Variants in CADM2 observed in about 807,000 individuals in gnomAD.
CADM2 encodes cell adhesion molecule 2, also known as immunoglobulin superfamily member 4D.
Under a neutral mutation model 49.8 loss-of-function variants are expected in CADM2, and 12 were observed. The ratio of observed to expected loss-of-function variants is 0.24; its 90% CI spans 0.15 to 0.39. The LOEUF is 0.39. Ranked by LOEUF, CADM2 falls within the 10% of genes least tolerant of loss-of-function variation. The pLI is 1.00. For synonymous variants in CADM2, 214 were observed against 175.4 expected, an observed-to-expected ratio of 1.22 and a Z score of -1.74; for missense variants, 378 against 492.3, an observed-to-expected ratio of 0.77 and a Z score of 2.20.
intron 4 of CADM2, among the ~76,000 whole-genome samples, chr3:85,884,743 TA>T (rs11309097): frequency 0.037 from 5,335 of 144,876 alleles, 370 homozygotes; most frequent in African/African-American, 0.13. Context: ...TTTTTTTTTT[TA>T]AAACGGAGTC....
intron 1 of CADM2, among the ~76,000 whole-genome samples, chr3:85,105,675 CAA>C (rs1311323195): frequency 6.6e-6 from 1 of 152,092 alleles, no homozygotes; most frequent in Non-Finnish European, 1.5e-5. Context: ...TTCACAATAG[CAA>C]AGACTTGGAA....
At position 85,411,125 on chromosome 3, in the gene CADM2, G is replaced by A. The variant is rs534956138; in HGVS notation, c.62-315397G>A. On this transcript the variant is annotated intron_variant, in intron 1 of 9. Transcript: ENST00000383699. The stretch of plus-strand genomic sequence containing the variant: ...CTGTAGGTTATATATAGAGTTTGAC[G>A]TGGTACGATGAAGACATGCTGTTGT... Among the ~76,000 whole-genome samples, 11 of 152,306 alleles carry A rather than the reference G, an allele frequency of 7.2e-5. 1 individual carries two copies. Among genetic ancestry groups the A allele is most frequent in the Admixed American group, 3.3e-4 (5 of 15,302 alleles).
intron 8 of CADM2, among the ~76,000 whole-genome samples, chr3:86,007,625 T>C (rs1730955257): frequency 6.6e-6 from 1 of 152,160 alleles, no homozygotes; most frequent in Non-Finnish European, 1.5e-5. Context: ...TTAAAAGACA[T>C]GAGGACTTTC....
At chr3:86,062,975 T>G (rs1009427798) in intron 8 of CADM2, among the ~76,000 whole-genome samples, 1 of 152,098 alleles carries the variant, frequency 6.6e-6, no homozygotes, top group Non-Finnish European at 1.5e-5. Context: ...TCACTTTGTT[T>G]AATCAACTGT....
intron 1 of CADM2, among the ~76,000 whole-genome samples, chr3:85,601,153 T>TAC (rs2063387307): frequency 2.4e-5 from 3 of 126,584 alleles, no homozygotes; most frequent in African/African-American, 6.3e-5. Context: ...TATATATATA[T>TAC]ATATATATAT....
chr3:86,021,002 T>C (rs1733088396), intron 8 of CADM2, among the ~76,000 whole-genome samples: 1 of 152,084 alleles, frequency 6.6e-6, no homozygotes, highest in Admixed American at 6.6e-5. Context: ...AAAACTTTTT[T>C]TCTTTTGAGA....
chr3:85,840,175 A>T (rs1398163628), intron 3 of CADM2, among the ~76,000 whole-genome samples: 1 of 151,910 alleles, frequency 6.6e-6, no homozygotes, highest in African/African-American at 2.4e-5. Flanking sequence ...AACTGTAATT[A>T]GCTTTTGATT....
intron 1 of CADM2, among the ~76,000 whole-genome samples, chr3:85,189,193 C>T (rs1288514452): frequency 6.6e-6 from 1 of 151,802 alleles, no homozygotes; most frequent in African/African-American, 2.4e-5. Flanking sequence ...AAAGAATTAG[C>T]TGTAAGTGGA....
intron 1 of CADM2, among the ~76,000 whole-genome samples, chr3:85,463,333 T>C (rs2038339716): frequency 1.3e-5 from 2 of 152,154 alleles, no homozygotes; most frequent in East Asian, 3.9e-4. Context: ...TCTTCTCATA[T>C]GTTCTCATTG....
intron 1 of CADM2, among the ~76,000 whole-genome samples, chr3:85,295,601 C>G (rs2043937551): frequency 1.3e-5 from 2 of 151,978 alleles, no homozygotes; most frequent in African/African-American, 4.8e-5. Context: ...CCACGGAATA[C>G]TATGCAGCCA....
At chr3:84,983,830 C>A (rs558584920) in intron 1 of CADM2, among the ~76,000 whole-genome samples, 4 of 152,116 alleles carry the variant, frequency 2.6e-5, no homozygotes, top group African/African-American at 9.6e-5. Context: ...TTTCAATACA[C>A]AACACAAGTG....
intron 1 of CADM2, among the ~76,000 whole-genome samples, chr3:85,339,108 C>T (rs1284306597): frequency 6.6e-6 from 1 of 151,512 alleles, no homozygotes; most frequent in Non-Finnish European, 1.5e-5. Context: ...CTCTAATTCT[C>T]TGAGCCTTGG....
intron 1 of CADM2, among the ~76,000 whole-genome samples, chr3:85,104,117 T>G (rs2038118703): frequency 6.6e-6 from 1 of 151,876 alleles, no homozygotes; most frequent in African/African-American, 2.4e-5. Flanking sequence ...CATGAAGTCC[T>G]TGCCCATGCC....
At chr3:85,788,151 A>G (rs903792070) in intron 2 of CADM2, among the ~76,000 whole-genome samples, 1 of 152,134 alleles carries the variant, frequency 6.6e-6, no homozygotes, top group Non-Finnish European at 1.5e-5. Flanking sequence ...AACACATACT[A>G]TGGGAATCCT....
In CADM2 at chr3:85,315,179, A is replaced by G. The variant is rs1190267434; in HGVS notation, c.61+355511A>G. On this transcript the variant is annotated intron_variant, in intron 1 of 9. Coordinates refer to ENST00000383699, the MANE Select transcript of CADM2 (RefSeq NM_001167675.2). ...TCCAGGCCGAGTGAAGTGGCTATTC[A>G]CAAGCACAATGACAGAACACTACAA... Among the ~76,000 whole-genome samples, 5 of 152,040 alleles carry G rather than the reference A, an allele frequency of 3.3e-5. No individual in the cohort carries two copies. The South Asian group carries it at 1.0e-3, about 31-fold the overall frequency.
rs1308021685 is a variant in CADM2 at position 85,607,141 on chromosome 3, G to A, written c.62-119381G>A. ...TTTTAAAAAAGAGAAAAAAAATTAA[G>A]AGGTTTAAGAAGATGAAGACATTAA... On this transcript the variant is annotated intron_variant, in intron 1 of 9. Coordinates refer to ENST00000383699, the MANE Select transcript of CADM2 (RefSeq NM_001167675.2). Among the ~76,000 whole-genome samples the A allele has an allele frequency of 2.6e-5, 4 of 152,098 alleles. No individual in the cohort carries two copies. In the East Asian group the frequency reaches 7.7e-4, roughly 29 times the overall value.
At chr3:85,446,420 G>A (rs966624701) in intron 1 of CADM2, among the ~76,000 whole-genome samples, 2 of 152,112 alleles carry the variant, frequency 1.3e-5, no homozygotes, top group Non-Finnish European at 2.9e-5. Flanking sequence ...CGAATGATGA[G>A]TTCCTCTGAC....
chr3:86,001,059 A>G (rs1299155499), intron 8 of CADM2, among the ~76,000 whole-genome samples: 3 of 152,160 alleles, frequency 2.0e-5, no homozygotes, highest in African/African-American at 7.2e-5. Context: ...AGGTACAATG[A>G]TTAATATTAG....
intron 3 of CADM2, among the ~76,000 whole-genome samples, chr3:85,857,363 G>A (rs2075357063): frequency 6.6e-6 from 1 of 152,144 alleles, no homozygotes; most frequent in Non-Finnish European, 1.5e-5. Flanking sequence ...TAGTCAAAAT[G>A]TCCCAATAGC....
Sources: gnomAD v4.1 joint callset for allele counts (sites outside exome capture counted in the v4.1 genomes callset) on GRCh38, gnomAD v4.1.1 for gene constraint, MANE v1.5 for transcripts, NCBI Gene and HGNC (gene_info 2026-07-23, HGNC 2026-07-21) for gene names.